The following GRAMD1C variants were observed in gnomAD, a reference collection of about 807,000 sequenced individuals.
GRAMD1C encodes protein Aster-C.
A neutral mutation model predicts 97.8 loss-of-function variants in GRAMD1C; 89 were observed. The ratio of observed to expected loss-of-function variants is 0.91; its 90% CI spans 0.77 to 1.09. The LOEUF is 1.09. Ranked by LOEUF, GRAMD1C falls within the 50% of genes least tolerant of loss-of-function variation. The pLI, the probability that GRAMD1C is intolerant of heterozygous loss-of-function variation, is 0.00. For missense variants in GRAMD1C, 740 were observed against 766.4 expected, an observed-to-expected ratio of 0.97 and a Z score of 0.41; for synonymous variants, 256 against 267.0, an observed-to-expected ratio of 0.96 and a Z score of 0.40.
chr3:113,887,346 C>A (rs1270559321), intron 6 of GRAMD1C, among the ~76,000 whole-genome samples: 1 of 151,776 alleles, frequency 6.6e-6, no homozygotes, highest in Non-Finnish European at 1.5e-5. Context: ...CCCACCTTGG[C>A]CTCCCAAAGT....
intron 1 of GRAMD1C, among the ~76,000 whole-genome samples, chr3:113,843,258 G>A (rs1933449101): frequency 6.6e-6 from 1 of 151,244 alleles, no homozygotes; most frequent in Admixed American, 6.6e-5. Flanking sequence ...GATATTTTTT[G>A]TAGAGACGGG....
chr3:113,909,267 A>G, intron 9 of GRAMD1C, 147 bp downstream of exon 9: 2 of 425,430 alleles, frequency 4.7e-6, no homozygotes. Context: ...GAGCTTATAG[A>G]AAATAGGAGA....
At chr3:113,891,583 T>C (rs1577172183) in intron 6 of GRAMD1C, among the ~76,000 whole-genome samples, 1 of 152,016 alleles carries the variant, frequency 6.6e-6, no homozygotes, top group Admixed American at 6.6e-5. Context: ...ATTTGATATA[T>C]ATTAAAAATA....
chr3:113,902,484 G>A (rs1936213100), intron 7 of GRAMD1C, among the ~76,000 whole-genome samples: 2 of 152,062 alleles, frequency 1.3e-5, no homozygotes, highest in African/African-American at 4.8e-5. Flanking sequence ...GCAACCTCAG[G>A]CAAATCTTTT....
intron 1 of GRAMD1C, among the ~76,000 whole-genome samples, chr3:113,843,049 GTTTTTTTTTTTTT>G (rs71144092): frequency 1.9e-5 from 1 of 53,402 alleles, no homozygotes; most frequent in Non-Finnish European, 3.5e-5. Context: ...ACCATAAGCT[GTTTTTTTTTTTTT>G]TTTTTTTTTT....
intron 6 of GRAMD1C, chr3:113,890,843 C>T: frequency 1.6e-6 from 1 of 642,918 alleles, no homozygotes; most frequent in Non-Finnish European, 2.8e-6. Flanking sequence ...AAGGGAGAAA[C>T]TAAGTTCTTC....
intron 17 of GRAMD1C, among the ~76,000 whole-genome samples, chr3:113,943,334 G>A (rs1446231138): frequency 6.6e-6 from 1 of 152,062 alleles, no homozygotes; most frequent in Non-Finnish European, 1.5e-5. Context: ...AAATCTTTTT[G>A]TGATGTAATT....
At chr3:113,893,454 T>C (rs923592004) in intron 6 of GRAMD1C, among the ~76,000 whole-genome samples, 2 of 152,180 alleles carry the variant, frequency 1.3e-5, no homozygotes, top group Admixed American at 1.3e-4. Flanking sequence ...CCACTCTAGT[T>C]CTCATTAATA....
intron 5 of GRAMD1C, 99 bp from the exon 6 acceptor site, chr3:113,882,653 T>C: frequency 1.4e-6 from 1 of 692,374 alleles, no homozygotes; most frequent in Non-Finnish European, 2.7e-6. Context: ...GACCTACTAG[T>C]TTGTTTTAAC....
In GRAMD1C at chr3:113,915,732, A is replaced by C; in HGVS notation, c.984A>C (p.Arg328Ser). 1 of 1,609,728 alleles carries C rather than the reference A, an allele frequency of 6.2e-7. No homozygotes were observed. The highest frequency in any genetic ancestry group is 8.5e-7 in the Non-Finnish European group (1 of 1,176,736). Residue 328 changes from arginine (R) to serine (S), a missense_variant, in exon 10 of 18, where the codon AGA becomes AGC. By Grantham distance (110) the Arg-to-Ser change is moderately radical. Coordinates refer to ENST00000358160, the MANE Select transcript of GRAMD1C (RefSeq NM_017577.5). ...TTCCTGAGAAAGATCTTCATGGAAG[A>C]CTTTTTATCAACCGTATTTTTCATA... is the stretch of plus-strand genomic sequence containing the variant. ...ENVPEKDLHG[R>S]LFINRIFHIS...
At chr3:113,840,883 T>C (rs1370771145) in intron 1 of GRAMD1C, among the ~76,000 whole-genome samples, 2 of 152,244 alleles carry the variant, frequency 1.3e-5, no homozygotes, top group Admixed American at 6.5e-5. Context: ...TGGAATGTTA[T>C]ACTTGTGCTC....
At chr3:113,944,183 A>G (rs1382715618) in intron 17 of GRAMD1C, among the ~76,000 whole-genome samples, 2 of 152,180 alleles carry the variant, frequency 1.3e-5, no homozygotes, top group Admixed American at 1.3e-4. Context: ...GAGGAGTCCA[A>G]GATTAAGGTT....
chr3:113,927,520 A>G (rs886751396), intron 10 of GRAMD1C, among the ~76,000 whole-genome samples: 1 of 152,056 alleles, frequency 6.6e-6, no homozygotes, highest in African/African-American at 2.4e-5. Context: ...CTTGGGCATC[A>G]CTCAGGCCTG....
At chr3:113,839,890 C>T (rs935365155) in intron 1 of GRAMD1C, among the ~76,000 whole-genome samples, 2 of 152,148 alleles carry the variant, frequency 1.3e-5, no homozygotes, top group African/African-American at 4.8e-5. Context: ...TCTACTGTAG[C>T]CACCCCAGAA....
intron 7 of GRAMD1C, among the ~76,000 whole-genome samples, chr3:113,903,056 C>T (rs2107318300): frequency 6.6e-6 from 1 of 151,820 alleles, no homozygotes; most frequent in East Asian, 1.9e-4. Context: ...ACCTCTGCCT[C>T]CGGGTTCAAG....
rs1286654392 is a variant in GRAMD1C at position 113,887,621 on chromosome 3, T to G, written c.540+4789T>G. Among the ~76,000 whole-genome samples the G allele has an allele frequency of 2.1e-5, 3 of 143,852 alleles. No individual in the cohort carries two copies. In the South Asian group the frequency reaches 6.6e-4, roughly 32 times the overall value. 94.4% of individuals were successfully genotyped at this position (143,852 alleles called of 152,430 possible). On this transcript the variant is annotated intron_variant, in intron 6 of 17. Transcript: ENST00000358160. ...GAGGCTGAGGCAGGAGAAAGGAGAA[T>G]GGCGTGAACCCAGGAGGTGGAGCTT...
At chr3:113,856,788 C>T (rs573187272) in intron 2 of GRAMD1C, among the ~76,000 whole-genome samples, 1 of 151,792 alleles carries the variant, frequency 6.6e-6, no homozygotes, top group East Asian at 1.9e-4. Flanking sequence ...ATCTGCCTGC[C>T]TCAGCATCCC....
At chr3:113,868,645 G>C (rs1478117042) in intron 2 of GRAMD1C, among the ~76,000 whole-genome samples, 1 of 152,088 alleles carries the variant, frequency 6.6e-6, no homozygotes, top group Non-Finnish European at 1.5e-5. Context: ...AGCCAGTAAG[G>C]CTTTTCCCTT....
At chr3:113,895,389 G>A (rs73230239) in intron 6 of GRAMD1C, among the ~76,000 whole-genome samples, 13,363 of 152,182 alleles carry the variant, frequency 0.088, 874 homozygotes, top group Non-Finnish European at 0.13. Context: ...CCAACTCTAG[G>A]ATAGTGACAG....
Sources: allele counts gnomAD v4.1 joint callset (sites outside exome capture counted in the v4.1 genomes callset), GRCh38; gene constraint gnomAD v4.1.1; transcripts MANE v1.5; gene names NCBI Gene and HGNC (gene_info 2026-07-23, HGNC 2026-07-21).